The following MAPKAP1 variants were observed in gnomAD, a reference collection of about 807,000 sequenced individuals.
The protein encoded by MAPKAP1 is MAPK associated protein 1.
Under a neutral mutation model 65.7 loss-of-function variants are expected in MAPKAP1, and 20 were observed. The observed-to-expected ratio is 0.30, with a 90% CI of 0.21 to 0.44. The LOEUF (loss-of-function observed/expected upper bound fraction) is 0.44. Ranked by LOEUF, MAPKAP1 falls within the 20% of genes least tolerant of loss-of-function variation. MAPKAP1 has a pLI of 1.00. For synonymous variants in MAPKAP1, 222 were observed against 244.3 expected (o/e 0.91, Z 0.85); for missense variants, 423 against 648.0 (o/e 0.65, Z 3.77).
At chr9:125,605,139 A>G (rs1832404938) in intron 4 of MAPKAP1, among the ~76,000 whole-genome samples, 1 of 152,256 alleles carries the variant, frequency 6.6e-6, no homozygotes, top group South Asian at 2.1e-4. Flanking sequence ...CCTCATCATT[A>G]AGAGAAACTG....
At position 125,542,849 on chromosome 9, in the gene MAPKAP1, A is replaced by G. The variant is rs913018759; in HGVS notation, c.958+210T>C. The G allele has an allele frequency of 9.8e-6, 7 of 715,230 alleles. No individual in the cohort carries two copies. The Admixed American group carries it at 1.2e-4, about 13-fold the overall frequency. The allele number at this position is 715,230 out of a possible 1,614,324, so 44.3% of individuals were successfully genotyped here. ...AGGAACTTCCACAATTGATATGAAT[A>G]CATTCTTCTCACATATGCCGCTGAC... On this transcript the variant is annotated intron_variant, in intron 7 of 11. Transcript: ENST00000265960.
intron 6 of MAPKAP1, among the ~76,000 whole-genome samples, chr9:125,554,391 G>T (rs1830673842): frequency 6.6e-6 from 1 of 152,204 alleles, no homozygotes; most frequent in Admixed American, 6.5e-5. Context: ...TTGGAGGTGA[G>T]CATCAGGGAG....
intron 4 of MAPKAP1, among the ~76,000 whole-genome samples, chr9:125,603,036 A>G (rs1398030321): frequency 6.6e-6 from 1 of 151,282 alleles, no homozygotes; most frequent in Admixed American, 6.6e-5. Context: ...CTGGGACTAC[A>G]GGAACACCAC....
intron 8 of MAPKAP1, among the ~76,000 whole-genome samples, chr9:125,498,933 C>T (rs1828891960): frequency 6.6e-6 from 1 of 152,202 alleles, no homozygotes; most frequent in African/African-American, 2.4e-5. Context: ...GCCCCATCTG[C>T]TCTACCAGCC....
At chr9:125,641,378 ATTTTT>A (rs917443250) in intron 4 of MAPKAP1, among the ~76,000 whole-genome samples, 2 of 151,970 alleles carry the variant, frequency 1.3e-5, no homozygotes, top group African/African-American at 4.8e-5. Context: ...TGGTTTTTAC[ATTTTT>A]TTTCAGCACT....
intron 1 of MAPKAP1, among the ~76,000 whole-genome samples, chr9:125,693,721 G>GTATATACACATATATACACGTA (rs1367847098): frequency 1.5e-3 from 89 of 59,014 alleles, no homozygotes; most frequent in Non-Finnish European, 4.2e-3. Flanking sequence ...ATATATACAC[G>GTATATACACATATATACACGTA]TATATACACA....
intron 8 of MAPKAP1, 70 bp from the exon 9 acceptor site, chr9:125,484,653 C>T (rs73591548): frequency 4.8e-6 from 7 of 1,469,500 alleles, no homozygotes; most frequent in Admixed American, 2.1e-5. Context: ...GCTTAAAATG[C>T]TTTGGGATAA....
At chr9:125,619,049 T>A (rs1412713465) in intron 4 of MAPKAP1, among the ~76,000 whole-genome samples, 2 of 152,084 alleles carry the variant, frequency 1.3e-5, no homozygotes, top group Non-Finnish European at 2.9e-5. Flanking sequence ...GGGAAGATTG[T>A]TTGAGCCCAG....
At chr9:125,507,713 C>T (rs906673908) in intron 7 of MAPKAP1, among the ~76,000 whole-genome samples, 6 of 152,140 alleles carry the variant, frequency 3.9e-5, no homozygotes, top group Admixed American at 2.6e-4. Flanking sequence ...AGCTTTTAAA[C>T]CTTTGTAAGT....
intron 10 of MAPKAP1, among the ~76,000 whole-genome samples, chr9:125,459,867 G>GGGAGAGGGAGAGGGAGAT (rs1853412961): frequency 6.6e-6 from 1 of 151,620 alleles, no homozygotes; most frequent in African/African-American, 2.4e-5. Flanking sequence ...GAGAGGGAGA[G>GGGAGAGGGAGAGGGAGAT]GGAGAGGGAC....
intron 7 of MAPKAP1, among the ~76,000 whole-genome samples, chr9:125,536,685 T>C (rs1830084104): frequency 6.6e-6 from 1 of 152,194 alleles, no homozygotes; most frequent in African/African-American, 2.4e-5. Flanking sequence ...AACTCTACTT[T>C]GATAGAAGAA....
intron 7 of MAPKAP1, among the ~76,000 whole-genome samples, chr9:125,535,725 C>T (rs1830056331): frequency 6.6e-6 from 1 of 152,128 alleles, no homozygotes; most frequent in Non-Finnish European, 1.5e-5. Context: ...AATCAGGATG[C>T]AGTTTACAAT....
intron 8 of MAPKAP1, among the ~76,000 whole-genome samples, chr9:125,490,089 T>C (rs1426376836): frequency 1.3e-5 from 2 of 152,172 alleles, no homozygotes; most frequent in Admixed American, 6.5e-5. Flanking sequence ...AATTCTAAAT[T>C]AGTGGTTCTC....
At chr9:125,608,608 C>A (rs1422379554) in intron 4 of MAPKAP1, among the ~76,000 whole-genome samples, 2 of 152,188 alleles carry the variant, frequency 1.3e-5, no homozygotes, top group Non-Finnish European at 1.5e-5. Context: ...GACCATTATT[C>A]CTGCTCTCCA....
intron 10 of MAPKAP1, among the ~76,000 whole-genome samples, chr9:125,464,204 T>TTAAAAAAAAAAAAAAA (rs1554805633): frequency 2.4e-5 from 2 of 83,330 alleles, no homozygotes; most frequent in Non-Finnish European, 4.6e-5. Flanking sequence ...TCTCATATAT[T>TTAAAAAAAAAAAAAAA]AAAAAAAAAA....
At chr9:125,601,111 A>G (rs527327872) in intron 4 of MAPKAP1, among the ~76,000 whole-genome samples, 1 of 152,282 alleles carries the variant, frequency 6.6e-6, no homozygotes, top group South Asian at 2.1e-4. Flanking sequence ...CTTAAAATTA[A>G]AACTCAATGG....
chr9:125,438,222 G>A lies in MAPKAP1; in HGVS notation c.*665C>T, dbSNP rs1467861674. On this transcript the variant is annotated 3_prime_UTR_variant, in exon 12 of 12. Transcript: ENST00000265960. Reference sequence around the variant, plus strand: ...TCAGAAGCTGGGGTGTGCTGAAGGGGAAAGTGACACGGCCTTGGACACACC... The same window carrying A: ...TCAGAAGCTGGGGTGTGCTGAAGGGAAAAGTGACACGGCCTTGGACACACC... 5.1e-6 allele frequency: 2 copies of A among 395,868 alleles called. No individual in the cohort carries two copies. The highest frequency in any genetic ancestry group is 3.6e-5 in the East Asian group (1 of 27,978). 24.5% of individuals were successfully genotyped at this position (395,868 alleles called of 1,614,324 possible).
chr9:125,544,250 TGCCTGCCTCA>T (rs1830354953), intron 6 of MAPKAP1, among the ~76,000 whole-genome samples: 1 of 151,944 alleles, frequency 6.6e-6, no homozygotes, highest in South Asian at 2.1e-4. Flanking sequence ...CCTTGTGATC[TGCCTGCCTCA>T]GCTGCCCAAA....
chr9:125,517,104 C>A (rs538922498), intron 7 of MAPKAP1, among the ~76,000 whole-genome samples: 1 of 152,072 alleles, frequency 6.6e-6, no homozygotes, highest in Admixed American at 6.6e-5. Context: ...GAGGCCAGGA[C>A]GAGAATGCAA....
Sources: allele counts gnomAD v4.1 joint callset (sites outside exome capture counted in the v4.1 genomes callset), GRCh38; gene constraint gnomAD v4.1.1; transcripts MANE v1.5; gene names NCBI Gene and HGNC (gene_info 2026-07-23, HGNC 2026-07-21).